ODF2: variants seen among roughly 807,000 people sequenced by gnomAD.
ODF2 encodes outer dense fiber protein 2.
Under a neutral mutation model 110.2 loss-of-function variants are expected in ODF2, and 47 were observed. The observed-to-expected ratio is 0.43, with a 90% confidence interval of 0.34 to 0.54. ODF2 has a LOEUF of 0.54. ODF2 is among the 20% of genes least tolerant of loss of function. The pLI, the probability that ODF2 is intolerant of heterozygous loss-of-function variation, is 0.03. For synonymous variants in ODF2, 352 were observed against 397.7 expected, an observed-to-expected ratio of 0.89 and a Z score of 1.37; for missense variants, 812 against 1,054.5, an observed-to-expected ratio of 0.77 and a Z score of 3.19.
chr9:128,464,892 A>AT (rs1837429908), intron 4 of ODF2, among the ~76,000 whole-genome samples: 5 of 92,158 alleles, frequency 5.4e-5, no homozygotes, highest in Non-Finnish European at 8.5e-5. Context: ...ACGGGGTTTC[A>AT]CCGTTTTAGC....
chr9:128,455,245 G>T, upstream of ODF2: 1 of 1,535,006 alleles, frequency 6.5e-7, no homozygotes, highest in Non-Finnish European at 8.7e-7. Flanking sequence ...ACACAGAGCG[G>T]CATAGAGAGT....
chr9:128,463,746 AT>A, intron 4 of ODF2, among the ~76,000 whole-genome samples: 1 of 152,244 alleles, frequency 6.6e-6, no homozygotes, highest in Non-Finnish European at 1.5e-5. Flanking sequence ...TTCTGGGAGA[AT>A]ATGTTTATAT....
intron 18 of ODF2, among the ~76,000 whole-genome samples, chr9:128,496,945 C>T (rs762684670): frequency 6.6e-6 from 1 of 152,034 alleles, no homozygotes; most frequent in Non-Finnish European, 1.5e-5. Flanking sequence ...CCAGGCTGGT[C>T]CTGAACTCCT....
chr9:128,465,428 GT>G (rs1365018234), intron 4 of ODF2, among the ~76,000 whole-genome samples: 2 of 152,138 alleles, frequency 1.3e-5, no homozygotes, highest in Admixed American at 1.3e-4. Context: ...GAAGGTCTAG[GT>G]TTTTTTCTTG....
chr9:128,486,416 T>C (rs1391822832), intron 13 of ODF2, among the ~76,000 whole-genome samples: 1 of 151,910 alleles, frequency 6.6e-6, no homozygotes, highest in Non-Finnish European at 1.5e-5. Context: ...CTGAACTGGG[T>C]TTTTAAGTGT....
rs1380434497 is a variant in ODF2 at position 128,473,332 on chromosome 9, T to C, written c.712-278T>C. On this transcript the variant is annotated intron_variant, in intron 7 of 20. Coordinates refer to ENST00000604420, the Ensembl canonical transcript of ODF2. ...TGCAAGTATCAGCCACCAGGTCTTG[T>C]CATCCTCCTTTGCTTCCTCCAGGAA... 4 of 859,050 alleles carry C rather than the reference T, an allele frequency of 4.7e-6. No individual in the cohort carries two copies. The African/African-American group carries it at 7.3e-5, about 16-fold the overall frequency. The allele number at this position is 859,050 out of a possible 1,614,324, so 53.2% of individuals were successfully genotyped here. A position where few individuals can be genotyped will look rare whatever the true frequency, so the allele number is the denominator to read the frequency against.
intron 13 of ODF2, among the ~76,000 whole-genome samples, chr9:128,487,437 A>T (rs1344794716): frequency 6.6e-6 from 1 of 152,118 alleles, no homozygotes; most frequent in Admixed American, 6.5e-5. Flanking sequence ...GGCAGGCAGT[A>T]TATTGAGTGA....
At chr9:128,500,431 C>A in exon 21 of ODF2, 1 of 608,724 alleles carries the variant, frequency 1.6e-6, no homozygotes, top group Non-Finnish European at 2.9e-6. Flanking sequence ...AAGCAGGAAG[C>A]ACTTGGTTTT....
chr9:128,471,761 C>A (rs955318738), intron 6 of ODF2, among the ~76,000 whole-genome samples: 2 of 152,080 alleles, frequency 1.3e-5, no homozygotes, highest in Admixed American at 6.6e-5. Context: ...GTTAAGCATT[C>A]GGCAGGTGGG....
chr9:128,473,802 C>A, intron 8 of ODF2, 61 bp downstream of exon 8: 1 of 1,486,670 alleles, frequency 6.7e-7, no homozygotes, highest in Non-Finnish European at 9.3e-7. Flanking sequence ...CTGAGCCTTT[C>A]TCCTTGTCTG....
intron 8 of ODF2, 40 bp downstream of exon 8, chr9:128,473,781 G>A: frequency 6.4e-7 from 1 of 1,570,108 alleles, no homozygotes; most frequent in Non-Finnish European, 8.7e-7. Context: ...AGCTCTGCAT[G>A]CCCATCCTCT....
At chr9:128,473,677 T>A (rs1486025108) in exon 8 of ODF2, 6 of 1,613,720 alleles carry the variant, frequency 3.7e-6, no homozygotes, top group Non-Finnish European at 5.1e-6. Context: ...CTGCAGAAGC[T>A]GAGCACATTT....
intron 8 of ODF2, 44 bp downstream of exon 8, chr9:128,473,785 A>G (rs772452528): frequency 6.4e-7 from 1 of 1,555,954 alleles, no homozygotes; most frequent in Middle Eastern, 1.7e-4. Context: ...CTGCATGCCC[A>G]TCCTCTCTGA....
At position 128,482,769 on chromosome 9, in the gene ODF2, C is replaced by T. The variant is rs752915092; in HGVS notation, c.916-47C>T. 4 of 1,508,700 alleles carry T rather than the reference C, an allele frequency of 2.7e-6. No individual in the cohort carries two copies. In the Admixed American group the frequency reaches 7.2e-5, roughly 27 times the overall value. 93.5% of individuals were successfully genotyped at this position (1,508,700 alleles called of 1,614,324 possible). A position where few individuals can be genotyped will look rare whatever the true frequency, so the allele number is the denominator to read the frequency against. On this transcript the variant is annotated intron_variant, in intron 9 of 20. Coordinates refer to ENST00000604420, the Ensembl canonical transcript of ODF2. ...AATCTCTGTCCTCCCTGGGCCGGGC[C>T]TCTTTGCCCTTCCCAGGGGCACCTG...
At chr9:128,491,545 T>A (rs1469008077) in intron 14 of ODF2, among the ~76,000 whole-genome samples, 1 of 151,716 alleles carries the variant, frequency 6.6e-6, no homozygotes, top group South Asian at 2.1e-4. Flanking sequence ...GTCCCTGTAA[T>A]CCCAGCTACT....
chr9:128,482,850 A>AGGT, exon 10 of ODF2: 1 of 1,599,088 alleles, frequency 6.3e-7, no homozygotes, highest in Non-Finnish European at 8.5e-7. Flanking sequence ...AAGGACAAGG[A>AGGT]GGTGGAAGAG....
At chr9:128,499,981 G>A in intron 20 of ODF2, 86 bp from the exon 21 acceptor site, 2 of 1,461,884 alleles carry the variant, frequency 1.4e-6, no homozygotes, top group South Asian at 1.3e-5. Context: ...AAACCTCCTG[G>A]CAACTCCTAA....
At position 128,499,015 on chromosome 9, in the gene ODF2, G is replaced by C. The variant is rs765487126; in HGVS notation, c.2190G>C (p.Lys730Asn). Residue 730 changes from lysine (K) to asparagine (N), a missense_variant, in exon 20 of 21, where the codon AAG becomes AAC. By Grantham distance (94) the Lys-to-Asn change is moderately conservative. Around this residue, in one of 5 missense-constraint regions of ODF2, gnomAD observed 234 missense variants for 245.3 expected, o/e 0.95. Transcript: ENST00000604420. ...TGAATGTGCAGGTGGAACAAACCAA[G>C]GAGCACGCACTCTCCAAGGAGCGAG... 5 of 1,614,050 alleles carry C rather than the reference G, an allele frequency of 3.1e-6. No homozygotes were observed. The East Asian group carries it at 1.1e-4, about 36-fold the overall frequency.
chr9:128,464,264 T>C (rs1456463448), intron 4 of ODF2, among the ~76,000 whole-genome samples: 2 of 150,678 alleles, frequency 1.3e-5, no homozygotes, highest in Non-Finnish European at 3.0e-5. Flanking sequence ...CAAGCAATTC[T>C]TCTGCCTCAG....
Sources: gnomAD v4.1 joint callset for allele counts (sites outside exome capture counted in the v4.1 genomes callset) on GRCh38, gnomAD v4.1.1 for gene constraint, gnomAD v4.1.1 regional missense constraint, MANE v1.5 for transcripts, NCBI Gene and HGNC (gene_info 2026-07-23, HGNC 2026-07-21) for gene names.